Variants in LRMDA observed in about 807,000 individuals in gnomAD.
The protein encoded by LRMDA is leucine-rich melanocyte differentiation-associated protein.
In LRMDA, 18 loss-of-function variants were observed where a neutral mutation model predicts 29.8. The ratio of observed to expected loss-of-function variants is 0.60; its 90% CI spans 0.42 to 0.90. The LOEUF (loss-of-function observed/expected upper bound fraction) is 0.90. LRMDA is among the 40% of genes least tolerant of loss of function. The probability of loss-of-function intolerance (pLI) is 0.00; values close to 1 mark genes in which losing one functional copy is unlikely to be tolerated. For synonymous variants in LRMDA, 125 were observed against 109.4 expected, an observed-to-expected ratio of 1.14 and a Z score of -0.89; for missense variants, 273 against 273.9, an observed-to-expected ratio of 1.00 and a Z score of 0.02.
intron 2 of LRMDA, 79 bp from the exon 3 acceptor site, chr10:76,035,929 T>G: frequency 4.9e-6 from 7 of 1,414,848 alleles, no homozygotes; most frequent in South Asian, 2.8e-5. Flanking sequence ...AAAGGGAAGG[T>G]TAAAATATTT....
chr10:76,111,470 T>C (rs1849578153), intron 5 of LRMDA, among the ~76,000 whole-genome samples: 1 of 152,250 alleles, frequency 6.6e-6, no homozygotes. Context: ...AATGTTCAAG[T>C]TAGAATCAAG....
In LRMDA at chr10:76,431,928, C is replaced by T. The variant is rs148031818; in HGVS notation, c.601+107443C>T. Among the ~76,000 whole-genome samples the T allele has an allele frequency of 3.2e-3, 488 of 152,326 alleles. 20 individuals are homozygous for T. The East Asian group carries it at 0.078, about 24-fold the overall frequency. On this transcript the variant is annotated intron_variant, in intron 6 of 6. Transcript: ENST00000611255. ...TTCTCTTGTCTGCTGCCATGTGAGA[C>T]ATGCCTTTCACCTTCTGCCATGATT...
chr10:75,504,135 A>G (rs1455827936), intron 2 of LRMDA, among the ~76,000 whole-genome samples: 1 of 151,352 alleles, frequency 6.6e-6, no homozygotes, highest in Non-Finnish European at 1.5e-5. Context: ...TCCCACCTCA[A>G]CCTCCTGAGT....
At chr10:76,197,239 G>A (rs1035952592) in intron 5 of LRMDA, among the ~76,000 whole-genome samples, 8 of 152,158 alleles carry the variant, frequency 5.3e-5, no homozygotes, top group African/African-American at 9.7e-5. Context: ...TTTAATGAGC[G>A]TGGAGCCAGA....
intron 2 of LRMDA, among the ~76,000 whole-genome samples, chr10:75,672,538 CCCCT>C (rs1841906860): frequency 1.9e-4 from 1 of 5,344 alleles, no homozygotes; most frequent in Non-Finnish European, 5.4e-4. Flanking sequence ...CCCCTCCCCT[CCCCT>C]CCCCTCCCCT....
chr10:75,546,561 T>C (rs1013034779), intron 2 of LRMDA, among the ~76,000 whole-genome samples: 1 of 152,206 alleles, frequency 6.6e-6, no homozygotes, highest in Non-Finnish European at 1.5e-5. Context: ...TATTTTTTTC[T>C]GCTAGTTTCT....
rs73279292 is a variant in LRMDA, at chr10:75,874,443, T to C, written c.132-161565T>C. ...ATAAAATTTTAAAATGGGGCAGAAT[T>C]GTTACAGAAATACTGAGTTACACTT... On this transcript the variant is annotated intron_variant, in intron 2 of 6. Coordinates refer to ENST00000611255, the MANE Select transcript of LRMDA (RefSeq NM_001305581.2). Among the ~76,000 whole-genome samples, 1,168 of 152,310 alleles carry C rather than the reference T, an allele frequency of 7.7e-3. 18 individuals carry two copies. The highest frequency in any genetic ancestry group is 0.026 in the African/African-American group (1,096 of 41,562).
At chr10:75,462,111 A>G (rs1432194801) in intron 2 of LRMDA, among the ~76,000 whole-genome samples, 1 of 152,260 alleles carries the variant, frequency 6.6e-6, no homozygotes, top group African/African-American at 2.4e-5. Flanking sequence ...GCGAACAAAG[A>G]AGACAAAGTA....
At chr10:76,127,679 G>A (rs1849909179) in intron 5 of LRMDA, among the ~76,000 whole-genome samples, 1 of 149,320 alleles carries the variant, frequency 6.7e-6, no homozygotes, top group African/African-American at 2.5e-5. Context: ...GTAAAAGCTT[G>A]GGAGGAAAAA....
intron 5 of LRMDA, among the ~76,000 whole-genome samples, chr10:76,211,665 G>A (rs578163279): frequency 5.3e-5 from 8 of 152,356 alleles, no homozygotes; most frequent in African/African-American, 1.9e-4. Flanking sequence ...GACATGTACA[G>A]AATCATCAGT....
At chr10:76,004,966 A>T (rs1325644276) in intron 2 of LRMDA, among the ~76,000 whole-genome samples, 1 of 152,054 alleles carries the variant, frequency 6.6e-6, no homozygotes, top group Non-Finnish European at 1.5e-5. Flanking sequence ...TGACCTTGTG[A>T]TCCACCCACC....
chr10:76,351,970 G>T (rs896890962), intron 6 of LRMDA, among the ~76,000 whole-genome samples: 3 of 152,112 alleles, frequency 2.0e-5, no homozygotes, highest in Admixed American at 1.3e-4. Context: ...TGAAGTCTGG[G>T]TTTGAATCCT....
In LRMDA at chr10:75,878,956, G is replaced by T. The variant is rs117273076; in HGVS notation, c.132-157052G>T. 4.0e-4 allele frequency among the ~76,000 whole-genome samples: 61 copies of T among 152,294 alleles called. No homozygotes were observed. In the East Asian group the frequency reaches 0.011, roughly 28 times the overall value. On this transcript the variant is annotated intron_variant, in intron 2 of 6. Transcript: ENST00000611255. ...TCCCAGCTCCAGGAGCACCCTCCTA[G>T]ATACTTGGCCCCTTCCAAACTCAGG...
chr10:75,994,385 A>G (rs1390377171), intron 2 of LRMDA, among the ~76,000 whole-genome samples: 1 of 152,220 alleles, frequency 6.6e-6, no homozygotes, highest in Non-Finnish European at 1.5e-5. Context: ...TCTGCACCCT[A>G]GGATTGTACA....
rs79001381 is a variant in LRMDA at position 76,488,930 on chromosome 10, C to T, written c.602-68279C>T. On this transcript the variant is annotated intron_variant, in intron 6 of 6. Coordinates refer to ENST00000611255, the MANE Select transcript of LRMDA (RefSeq NM_001305581.2). ...TGGGGATTTTTGCATCAATATTCAT[C>T]AGGGATATTGGCCTATAGTTTTCTG... Among the ~76,000 whole-genome samples the T allele has an allele frequency of 9.7e-3, 1,472 of 151,974 alleles. 24 individuals carry two copies. The highest frequency in any genetic ancestry group is 0.034 in the African/African-American group (1,410 of 41,502).
At chr10:76,143,209 T>C (rs892217194) in intron 5 of LRMDA, among the ~76,000 whole-genome samples, 20 of 152,212 alleles carry the variant, frequency 1.3e-4, no homozygotes, top group African/African-American at 4.8e-4. Flanking sequence ...ATATACCTAG[T>C]AATAGGATGG....
intron 6 of LRMDA, among the ~76,000 whole-genome samples, chr10:76,476,797 C>A (rs1048904626): frequency 1.6e-4 from 25 of 152,020 alleles, no homozygotes; most frequent in Admixed American, 1.4e-3. Flanking sequence ...CAAAGACAAA[C>A]ACCACATGAT....
At chr10:76,189,316 G>A (rs955743293) in intron 5 of LRMDA, among the ~76,000 whole-genome samples, 3 of 151,904 alleles carry the variant, frequency 2.0e-5, no homozygotes, top group Non-Finnish European at 2.9e-5. Context: ...AAGATTGTGC[G>A]ACTGCACTCC....
At chr10:76,557,059 A>G (rs555625474) in intron 6 of LRMDA, 150 bp from the exon 7 acceptor site, 290 of 651,170 alleles carry the variant, frequency 4.5e-4, no homozygotes, top group Non-Finnish European at 6.9e-4. Context: ...TGTGAGGACA[A>G]AAAGGGAGAG....
Sources: gnomAD v4.1 joint callset for allele counts (sites outside exome capture counted in the v4.1 genomes callset) on GRCh38, gnomAD v4.1.1 for gene constraint, MANE v1.5 for transcripts, NCBI Gene and HGNC (gene_info 2026-07-23, HGNC 2026-07-21) for gene names.